Variants in ITGA4 observed in about 807,000 individuals in gnomAD.
ITGA4 encodes the protein integrin subunit alpha 4, also known as integrin alpha-4.
A neutral mutation model predicts 133.6 loss-of-function variants in ITGA4; 63 were observed. That is an observed-to-expected ratio of 0.47 (90% CI 0.38 to 0.58). The LOEUF (loss-of-function observed/expected upper bound fraction) is 0.58. Ranked by LOEUF, ITGA4 falls within the 20% of genes least tolerant of loss-of-function variation. The pLI, the probability that ITGA4 is intolerant of heterozygous loss-of-function variation, is 0.00. For missense variants in ITGA4, 1,076 were observed against 1,252.7 expected (o/e 0.86, Z 2.13); for synonymous variants, 483 against 438.0 (o/e 1.10, Z -1.28).
chr2:181,477,897 G>A (rs74600616), intron 4 of ITGA4, among the ~76,000 whole-genome samples: 23,031 of 152,018 alleles, frequency 0.15, 2,073 homozygotes, highest in Middle Eastern at 0.23. Context: ...GCGTTTTTAT[G>A]TTCATTGCAG....
chr2:181,499,716 C>G (rs1686228956), intron 15 of ITGA4, among the ~76,000 whole-genome samples: 1 of 151,990 alleles, frequency 6.6e-6, no homozygotes, highest in East Asian at 1.9e-4. Context: ...GGTTCAGAGC[C>G]AAAAGTATAG....
In ITGA4 at chr2:181,458,354, C is replaced by T. The variant is rs201749365; in HGVS notation, c.319+37C>T. On this transcript the variant is annotated intron_variant, in intron 2 of 27. Transcript: ENST00000397033. The stretch of plus-strand genomic sequence containing the variant: ...ATGGGACCAGGAGTTAGTGACCTCC[C>T]GACCCCCCATGTGGACCCCACCATA... The T allele has an allele frequency of 7.4e-5, 118 of 1,598,308 alleles. No homozygotes were observed. The African/African-American group carries it at 1.3e-3, about 17-fold the overall frequency.
rs200434116 is a variant in ITGA4, at chr2:181,475,167, G to C, written c.435G>C (p.Gly145=). Residue 145 remains glycine (G), a synonymous_variant, in exon 4 of 28, where the codon GGG becomes GGC. Coordinates refer to ENST00000397033, the MANE Select transcript of ITGA4 (RefSeq NM_000885.6). The part of the protein sequence containing the change: ...PGENGSIVTC[G]HRWKNIFYIK... ...ACTTTTATTTTATTCAGACTTGTGG[G>C]CATAGATGGAAAAATATATTTTACA... 3 of 1,613,372 alleles carry C rather than the reference G, an allele frequency of 1.9e-6. No individual in the cohort carries two copies. The African/African-American group carries it at 4.0e-5, about 22-fold the overall frequency.
chr2:181,489,334 C>T (rs1232914818), intron 10 of ITGA4, among the ~76,000 whole-genome samples: 1 of 151,932 alleles, frequency 6.6e-6, no homozygotes. Context: ...AAGCCATTTT[C>T]TAAAAAGATG....
At chr2:181,530,405 C>G (rs1198904810) in intron 23 of ITGA4, 119 bp from the exon 24 acceptor site, 2 of 884,982 alleles carry the variant, frequency 2.3e-6, no homozygotes, top group Admixed American at 3.0e-5. Flanking sequence ...TCTACAATTT[C>G]AGAGGTACTT....
In ITGA4 at chr2:181,537,356, T is replaced by C. The variant is rs199568544; in HGVS notation, c.*1829T>C. ...GGTTGTCCAACACAGGCCTCTCAGA[T>C]ACAAGGGGAACACAATTACATATTG... On this transcript the variant is annotated 3_prime_UTR_variant, in exon 28 of 28. Transcript: ENST00000397033. The C allele has an allele frequency of 3.7e-5, 17 of 453,688 alleles. No homozygotes were observed. The highest frequency in any genetic ancestry group is 2.6e-4 in the African/African-American group (13 of 49,970). The allele number at this position is 453,688 out of a possible 1,614,324, so 28.1% of individuals were successfully genotyped here.
intron 4 of ITGA4, among the ~76,000 whole-genome samples, chr2:181,477,910 G>C (rs967296477): frequency 6.6e-6 from 1 of 152,002 alleles, no homozygotes; most frequent in African/African-American, 2.4e-5. Flanking sequence ...CATTGCAGCA[G>C]CATTCACAAT....
intron 26 of ITGA4, 40 bp from the exon 27 acceptor site, chr2:181,534,776 T>TC (rs752039004): frequency 1.3e-6 from 2 of 1,537,950 alleles, no homozygotes; most frequent in South Asian, 2.4e-5. Flanking sequence ...ACTGATTTTT[T>TC]TTTTTGGTTT....
chr2:181,482,458 T>C lies in ITGA4; in HGVS notation c.903+36T>C, dbSNP rs776978372. 1.7e-5 allele frequency: 27 copies of C among 1,613,442 alleles called. No individual in the cohort carries two copies. In the East Asian group the frequency reaches 6.0e-4, roughly 36 times the overall value. ...TCTACCTTTAGTATCTCTGTGGGCT[T>C]TTGCGAGTAACCCTGCTTTTTTCTC... On this transcript the variant is annotated intron_variant, in intron 8 of 27. Transcript: ENST00000397033.
chr2:181,522,780 C>G (rs941190022), intron 18 of ITGA4, among the ~76,000 whole-genome samples: 1 of 152,132 alleles, frequency 6.6e-6, no homozygotes, highest in Non-Finnish European at 1.5e-5. Context: ...AGGGACCACA[C>G]CTTCATACCA....
rs911979666 is a variant in ITGA4 at position 181,523,221 on chromosome 2, T to C, written c.2074-216T>C. On this transcript the variant is annotated intron_variant, in intron 18 of 27. Coordinates refer to ENST00000397033, the MANE Select transcript of ITGA4 (RefSeq NM_000885.6). This position sits in a 1 kb window ranked among gnomAD's most constrained non-coding sequence, Gnocchi z 4.2. ...ATATACACACACATATATACACACA[T>C]ATATACATACATATATATACACATA... is the stretch of plus-strand genomic sequence containing the variant. The C allele has an allele frequency of 6.3e-5, 26 of 415,214 alleles. No homozygotes were observed. The highest frequency in any genetic ancestry group is 6.9e-4 in the Middle Eastern group (1 of 1,450). 25.7% of individuals were successfully genotyped at this position (415,214 alleles called of 1,614,324 possible).
intron 10 of ITGA4, 174 bp downstream of exon 10, chr2:181,486,166 A>G (rs1182437387): frequency 8.5e-6 from 6 of 709,634 alleles, no homozygotes; most frequent in Middle Eastern, 4.0e-4. Context: ...ATTGTCACCC[A>G]TTGATCTTTA....
At chr2:181,499,444 G>A (rs992400665) in intron 15 of ITGA4, among the ~76,000 whole-genome samples, 9 of 152,088 alleles carry the variant, frequency 5.9e-5, no homozygotes, top group Non-Finnish European at 1.3e-4. Flanking sequence ...GCTGTGCCAG[G>A]TCTTTTTCAT....
intron 9 of ITGA4, among the ~76,000 whole-genome samples, chr2:181,484,795 C>T (rs1172832708): frequency 6.6e-6 from 1 of 152,066 alleles, no homozygotes; most frequent in East Asian, 1.9e-4. Flanking sequence ...GAAGTGATTC[C>T]CTTTGGGTCA....
chr2:181,494,173 G>T (rs1206703481), intron 11 of ITGA4, among the ~76,000 whole-genome samples: 10 of 152,186 alleles, frequency 6.6e-5, no homozygotes, highest in African/African-American at 2.4e-4. Context: ...TACATATCTG[G>T]CTAGGGTTGT....
chr2:181,522,046 A>T (rs947660099), intron 17 of ITGA4, 145 bp from the exon 18 acceptor site: 2 of 450,296 alleles, frequency 4.4e-6, no homozygotes, highest in Admixed American at 7.9e-5. Flanking sequence ...ATCTGCTTGC[A>T]TAGGGTCAAT....
intron 2 of ITGA4, among the ~76,000 whole-genome samples, chr2:181,464,972 A>G (rs1047141492): frequency 1.7e-4 from 26 of 152,142 alleles, no homozygotes; most frequent in African/African-American, 5.8e-4. Context: ...TATATAAACT[A>G]TGTAAAACAC....
At chr2:181,503,300 C>T (rs1431354524) in intron 15 of ITGA4, among the ~76,000 whole-genome samples, 1 of 152,112 alleles carries the variant, frequency 6.6e-6, no homozygotes, top group Non-Finnish European at 1.5e-5. Flanking sequence ...AAATTATTCT[C>T]TTTTAATCAC....
At chr2:181,508,553 G>A (rs1415491113) in intron 15 of ITGA4, among the ~76,000 whole-genome samples, 1 of 151,874 alleles carries the variant, frequency 6.6e-6, no homozygotes, top group African/African-American at 2.4e-5. Context: ...AAAATTAGCT[G>A]GATGTGGTTG....
Sources: gnomAD v4.1 joint callset for allele counts (sites outside exome capture counted in the v4.1 genomes callset) on GRCh38, gnomAD v4.1.1 for gene constraint, Gnocchi (gnomAD v3.1) non-coding constraint, MANE v1.5 for transcripts, NCBI Gene and HGNC (gene_info 2026-07-23, HGNC 2026-07-21) for gene names.